Variants in ZNF529 observed in about 807,000 individuals in gnomAD.
ZNF529 encodes zinc finger protein 529.
In ZNF529, 11 loss-of-function variants were observed where a neutral mutation model predicts 10.1. That is an observed-to-expected ratio of 1.09 (90% CI 0.69 to 1.81). ZNF529 has a LOEUF of 1.81. Among genes scored for constraint, ZNF529 ranks in the 40% most tolerant of loss-of-function variants. The pLI is 0.00. For synonymous variants in ZNF529, 204 were observed against 215.7 expected (o/e 0.95, Z 0.47); for missense variants, 624 against 666.8 (o/e 0.94, Z 0.71).
chr19:36,589,914 C>G (rs2036667557), intron 1 of ZNF529, among the ~76,000 whole-genome samples: 1 of 152,126 alleles, frequency 6.6e-6, no homozygotes, highest in South Asian at 2.1e-4. Context: ...ACAATGTATT[C>G]TTTGGTCAAA....
chr19:36,566,163 G>A (rs1030689046), intron 2 of ZNF529, among the ~76,000 whole-genome samples: 2 of 152,176 alleles, frequency 1.3e-5, no homozygotes, highest in East Asian at 3.9e-4. Flanking sequence ...CCTTTCACTA[G>A]TGGGAAAACA....
chr19:36,597,385 G>C (rs1183006029), intron 1 of ZNF529, among the ~76,000 whole-genome samples: 1 of 151,894 alleles, frequency 6.6e-6, no homozygotes, highest in East Asian at 1.9e-4. Context: ...AGTTCATACT[G>C]TCATGCACTA....
In ZNF529 at chr19:36,547,033, T is replaced by C. The variant is rs1568569445; in HGVS notation, c.1525A>G (p.Lys509Glu). The change falls in exon 5 of 5, where the codon AAG (lysine) becomes GAG (glutamate). Residue 509 changes from lysine to glutamate, a missense_variant. By Grantham distance (56) the Lys-to-Glu change is moderately conservative. Transcript: ENST00000591340. ...IHTGEKPYEC[K>E]ACGKAFRHSS... The stretch of plus-strand genomic sequence containing the variant: ...TGTCTAAAGGCCTTCCCACATGCCT[T>C]GCATTCATAGGGTTTTTCTCCAGTA... 2 of 1,614,056 alleles carry C rather than the reference T, an allele frequency of 1.2e-6. No homozygotes were observed. Among genetic ancestry groups the C allele is most frequent in the Admixed American group, 1.7e-5 (1 of 60,012 alleles).
At position 36,554,765 on chromosome 19, in the gene ZNF529, TTGA is replaced by T; in HGVS notation, c.137_139del (p.Ile46del). On this transcript the variant is annotated inframe_deletion, in exon 4 of 5. Coordinates refer to ENST00000591340, the MANE Select transcript of ZNF529 (RefSeq NM_020951.5). ...ATATTCCCATTCCTCCTGAGAGAAG[TTGA>T]TGACCACATCCCTGAGTGTCACCAG... 2 of 1,576,248 alleles carry T rather than the reference TTGA, an allele frequency of 1.3e-6. No homozygotes were observed. Among genetic ancestry groups the T allele is most frequent in the Non-Finnish European group, 1.7e-6 (2 of 1,160,068 alleles).
intron 2 of ZNF529, among the ~76,000 whole-genome samples, chr19:36,570,360 C>CAAAAAAAAAAAAAAAAAAAAAAAAAAAA (rs58429405): frequency 1.4e-4 from 10 of 70,578 alleles, no homozygotes; most frequent in African/African-American, 2.8e-4. Flanking sequence ...GACCCTATCT[C>CAAAAAAAAAAAAAAAAAAAAAAAAAAAA]AAAAAAAAAA....
chr19:36,574,915 A>G (rs1359828579), upstream of ZNF529: 1 of 470,982 alleles, frequency 2.1e-6, no homozygotes, highest in African/African-American at 2.0e-5. Flanking sequence ...GTTTACATTT[A>G]ACTTTCCAAG....
At chr19:36,581,027 G>A (rs907747770) in intron 2 of ZNF529, 1 of 152,142 alleles carries the variant, frequency 6.6e-6, no homozygotes, top group Non-Finnish European at 1.5e-5. Context: ...GTCCCCTGTG[G>A]ATAGCAAGGG....
At chr19:36,549,111 C>A (rs2912446) in intron 4 of ZNF529, among the ~76,000 whole-genome samples, 105,616 of 152,104 alleles carry the variant, frequency 0.69, 37,168 homozygotes, top group African/African-American at 0.8. Flanking sequence ...CATTTCACAT[C>A]AATGGTCTCT....
intron 4 of ZNF529, among the ~76,000 whole-genome samples, chr19:36,550,926 C>T (rs1343814512): frequency 6.6e-6 from 1 of 152,076 alleles, no homozygotes; most frequent in Non-Finnish European, 1.5e-5. Flanking sequence ...AAAACAAATT[C>T]CTGGAATGAG....
intron 2 of ZNF529, chr19:36,580,843 AC>A (rs2036448206): frequency 6.6e-6 from 1 of 151,770 alleles, no homozygotes; most frequent in Admixed American, 6.5e-5. Flanking sequence ...ATTTTAAAAT[AC>A]AGTATAAAAT....
chr19:36,560,857 A>T (rs2035664674), intron 2 of ZNF529, among the ~76,000 whole-genome samples: 1 of 152,246 alleles, frequency 6.6e-6, no homozygotes, highest in Non-Finnish European at 1.5e-5. Flanking sequence ...TACTCAGAGT[A>T]AAATGTGAGA....
chr19:36,594,267 T>A (rs1273304827), intron 1 of ZNF529: 1 of 152,216 alleles, frequency 6.6e-6, no homozygotes, highest in Non-Finnish European at 1.5e-5. Flanking sequence ...TCCTGCATGC[T>A]CTTCCAAACT....
At chr19:36,605,349 T>G (rs2037007941), upstream of ZNF529, 1 of 152,626 alleles carries the variant, frequency 6.6e-6, no homozygotes. Flanking sequence ...TGAGGCTTGG[T>G]GGGTGCCAGG....
At chr19:36,599,358 G>C (rs1487849712) in intron 1 of ZNF529, among the ~76,000 whole-genome samples, 1 of 152,010 alleles carries the variant, frequency 6.6e-6, no homozygotes, top group African/African-American at 2.4e-5. Context: ...ATTCTAAAAG[G>C]TGTAAATACT....
chr19:36,570,750 C>T (rs1197948384), intron 2 of ZNF529, among the ~76,000 whole-genome samples: 1 of 152,168 alleles, frequency 6.6e-6, no homozygotes, highest in African/African-American at 2.4e-5. Context: ...AAGTGCCCAT[C>T]AAAATTAACT....
intron 1 of ZNF529, among the ~76,000 whole-genome samples, chr19:36,597,652 C>A (rs1363802377): frequency 6.6e-6 from 1 of 152,106 alleles, no homozygotes; most frequent in East Asian, 1.9e-4. Context: ...AATGGTCATA[C>A]TAGCAGTATT....
chr19:36,602,132 C>T (rs1346763618), intron 1 of ZNF529, among the ~76,000 whole-genome samples: 1 of 151,644 alleles, frequency 6.6e-6, no homozygotes, highest in Non-Finnish European at 1.5e-5. Flanking sequence ...ACTGCAACCT[C>T]CGCCTCCCAG....
intron 4 of ZNF529, among the ~76,000 whole-genome samples, chr19:36,551,645 A>G (rs2035262369): frequency 6.6e-6 from 1 of 152,210 alleles, no homozygotes. Context: ...CATGACAGCA[A>G]CTAATATATA....
chr19:36,594,879 T>A (rs1436299035), intron 1 of ZNF529, among the ~76,000 whole-genome samples: 1 of 139,094 alleles, frequency 7.2e-6, no homozygotes, highest in African/African-American at 2.7e-5. Flanking sequence ...TCTTTTTTCT[T>A]TTTTCTTTTT....
Sources: gnomAD v4.1 joint callset for allele counts (sites outside exome capture counted in the v4.1 genomes callset) on GRCh38, gnomAD v4.1.1 for gene constraint, MANE v1.5 for transcripts, NCBI Gene and HGNC (gene_info 2026-07-23, HGNC 2026-07-21) for gene names.